SH3RF1: variants seen among roughly 807,000 people sequenced by gnomAD.
The protein encoded by SH3RF1 is E3 ubiquitin-protein ligase SH3RF1.
SH3RF1 carries 32 observed loss-of-function variants against 74.0 expected under a neutral mutation model. That is an observed-to-expected ratio of 0.43 (90% CI 0.33 to 0.58). The LOEUF is 0.58. SH3RF1 is among the 20% of genes least tolerant of loss of function. The pLI is 0.05. For missense variants in SH3RF1, 954 were observed against 1,130.9 expected (o/e 0.84, Z 2.24); for synonymous variants, 396 against 439.6 (o/e 0.90, Z 1.24).
intron 10 of SH3RF1, among the ~76,000 whole-genome samples, chr4:169,114,569 A>G (rs1272352143): frequency 6.6e-6 from 1 of 152,200 alleles, no homozygotes; most frequent in African/African-American, 2.4e-5. Context: ...AGTGAATTCT[A>G]CATTGGAAGG....
intron 2 of SH3RF1, among the ~76,000 whole-genome samples, chr4:169,191,525 G>T (rs1021137724): frequency 6.6e-6 from 1 of 151,906 alleles, no homozygotes; most frequent in Non-Finnish European, 1.5e-5. Flanking sequence ...ATTATTCTTT[G>T]AGGAATTAGA....
intron 2 of SH3RF1, among the ~76,000 whole-genome samples, chr4:169,222,674 A>T (rs1375906523): frequency 6.6e-6 from 1 of 152,098 alleles, no homozygotes; most frequent in African/African-American, 2.4e-5. Context: ...TAGTAATCTG[A>T]GGACAAATTT....
intron 2 of SH3RF1, among the ~76,000 whole-genome samples, chr4:169,182,385 T>C (rs1335643162): frequency 6.6e-6 from 1 of 152,244 alleles, no homozygotes; most frequent in African/African-American, 2.4e-5. Flanking sequence ...AATTCATGTG[T>C]TTCAGCACAT....
intron 10 of SH3RF1, among the ~76,000 whole-genome samples, chr4:169,113,121 T>G (rs971234356): frequency 6.6e-6 from 1 of 151,188 alleles, no homozygotes; most frequent in Non-Finnish European, 1.5e-5. Context: ...CTTTTTTTTT[T>G]CCCCCCTGAG....
At chr4:169,112,585 T>A (rs900967774) in intron 10 of SH3RF1, among the ~76,000 whole-genome samples, 17 of 152,114 alleles carry the variant, frequency 1.1e-4, no homozygotes. Flanking sequence ...TCCCTGCAGA[T>A]GAAAACATAG....
At chr4:169,151,848 G>T (rs1561037983) in intron 4 of SH3RF1, among the ~76,000 whole-genome samples, 1 of 152,146 alleles carries the variant, frequency 6.6e-6, no homozygotes, top group Non-Finnish European at 1.5e-5. Flanking sequence ...ATAGTTCACC[G>T]TAAGCCTACA....
chr4:169,160,536 A>T (rs2126967292), intron 2 of SH3RF1, among the ~76,000 whole-genome samples: 1 of 152,340 alleles, frequency 6.6e-6, no homozygotes, highest in African/African-American at 2.4e-5. Context: ...GACTGCTAAA[A>T]TTGTTTCAAT....
At chr4:169,246,948 C>A (rs1219710814) in intron 2 of SH3RF1, among the ~76,000 whole-genome samples, 1 of 152,180 alleles carries the variant, frequency 6.6e-6, no homozygotes, top group Non-Finnish European at 1.5e-5. Context: ...AAGGGGGAAG[C>A]AATAAAGTTC....
At chr4:169,257,845 T>C (rs1339792588) in intron 2 of SH3RF1, among the ~76,000 whole-genome samples, 1 of 152,196 alleles carries the variant, frequency 6.6e-6, no homozygotes, top group Non-Finnish European at 1.5e-5. Flanking sequence ...CTCCCTAAAC[T>C]GTCCTTGCTT....
chr4:169,203,379 C>A (rs2126991606), intron 2 of SH3RF1, among the ~76,000 whole-genome samples: 1 of 151,896 alleles, frequency 6.6e-6, no homozygotes, highest in East Asian at 1.9e-4. Context: ...GGTGAAACCC[C>A]ACCTCTACCA....
intron 2 of SH3RF1, among the ~76,000 whole-genome samples, chr4:169,174,033 C>G (rs946693531): frequency 2.0e-5 from 3 of 151,070 alleles, no homozygotes; most frequent in African/African-American, 7.3e-5. Flanking sequence ...TGAATTCATA[C>G]CTGAAGCAGC....
In SH3RF1 at chr4:169,116,185, T is replaced by C. The variant is rs543401088; in HGVS notation, c.2139+84A>G. The C allele has an allele frequency of 3.2e-5, 49 of 1,525,144 alleles. No homozygotes were observed. In the East Asian group the frequency reaches 6.4e-4, roughly 20 times the overall value. The allele number at this position is 1,525,144 out of a possible 1,614,324, so 94.5% of individuals were successfully genotyped here. The stretch of plus-strand genomic sequence containing the variant: ...GTTTGTTGAACAGTGAGTCCTCTCA[T>C]TAGCTAAAAATGACAGACACAACAT... On this transcript the variant is annotated intron_variant, in intron 10 of 11. Coordinates refer to ENST00000284637, the MANE Select transcript of SH3RF1 (RefSeq NM_020870.4).
chr4:169,161,322 A>C (rs1242937608), intron 2 of SH3RF1, among the ~76,000 whole-genome samples: 3 of 152,262 alleles, frequency 2.0e-5, no homozygotes, highest in Admixed American at 2.0e-4. Flanking sequence ...AATAAGTATG[A>C]TAGTGGGCCA....
intron 11 of SH3RF1, among the ~76,000 whole-genome samples, chr4:169,099,702 A>AT (rs1464594229): frequency 1.3e-5 from 2 of 152,214 alleles, no homozygotes; most frequent in Non-Finnish European, 2.9e-5. Flanking sequence ...AATTAGATTA[A>AT]TATATGCATT....
chr4:169,135,016 C>T (rs1051006025), intron 5 of SH3RF1, among the ~76,000 whole-genome samples: 19 of 152,214 alleles, frequency 1.2e-4, no homozygotes, highest in Middle Eastern at 3.4e-3. Flanking sequence ...ACTTGAAACA[C>T]GCAGTATAAA....
At chr4:169,265,903 A>T (rs1731344797) in intron 2 of SH3RF1, among the ~76,000 whole-genome samples, 1 of 152,252 alleles carries the variant, frequency 6.6e-6, no homozygotes, top group South Asian at 2.1e-4. Context: ...TAAATTCTAT[A>T]GGAACTACTT....
chr4:169,241,486 A>G (rs945445120), intron 2 of SH3RF1, among the ~76,000 whole-genome samples: 1 of 152,178 alleles, frequency 6.6e-6, no homozygotes, highest in Non-Finnish European at 1.5e-5. Context: ...CCATGGAAGT[A>G]AAGGCCTTAG....
At chr4:169,233,248 C>CAAAAA (rs372381759) in intron 2 of SH3RF1, among the ~76,000 whole-genome samples, 25 of 65,544 alleles carry the variant, frequency 3.8e-4, no homozygotes, top group Admixed American at 8.9e-4. Flanking sequence ...GACTCCATCT[C>CAAAAA]AAAAAAAAAA....
At chr4:169,100,734 C>G (rs1312646067) in intron 11 of SH3RF1, among the ~76,000 whole-genome samples, 1 of 152,202 alleles carries the variant, frequency 6.6e-6, no homozygotes, top group Non-Finnish European at 1.5e-5. Flanking sequence ...CAAGGTTAAT[C>G]CTCAGCCTGG....
Sources: gnomAD v4.1 joint callset for allele counts (sites outside exome capture counted in the v4.1 genomes callset) on GRCh38, gnomAD v4.1.1 for gene constraint, MANE v1.5 for transcripts, NCBI Gene and HGNC (gene_info 2026-07-23, HGNC 2026-07-21) for gene names.